The following FAM171B variants were observed in gnomAD, a reference collection of about 807,000 sequenced individuals.
FAM171B encodes the protein protein FAM171B.
Under a neutral mutation model 75.6 loss-of-function variants are expected in FAM171B, and 19 were observed. The ratio of observed to expected loss-of-function variants is 0.25; its 90% CI spans 0.18 to 0.37. FAM171B has a LOEUF of 0.37. Among genes scored for constraint, FAM171B ranks in the 10% least tolerant of loss-of-function variants. The pLI is 1.00. For missense variants in FAM171B, 848 were observed against 982.4 expected, an observed-to-expected ratio of 0.86 and a Z score of 1.83; for synonymous variants, 367 against 361.7, an observed-to-expected ratio of 1.01 and a Z score of -0.17.
intron 5 of FAM171B, among the ~76,000 whole-genome samples, chr2:186,753,087 C>T (rs1690479978): frequency 6.6e-6 from 1 of 152,130 alleles, no homozygotes; most frequent in Admixed American, 6.5e-5. Context: ...TTAATATCCA[C>T]AGTTTAAATA....
At position 186,762,847 on chromosome 2, in the gene FAM171B, C is replaced by T. The variant is rs766307557; in HGVS notation, c.*24C>T. ...AACTCCAATGGGGATTGTGTGTCTG[C>T]TGTCTCGTGCTGTTTATTCTTGCTT... On this transcript the variant is annotated 3_prime_UTR_variant, in exon 8 of 8. Coordinates refer to ENST00000304698, the MANE Select transcript of FAM171B (RefSeq NM_177454.4). This position sits in a 1 kb window ranked among gnomAD's most constrained non-coding sequence, Gnocchi z 4.0. The T allele has an allele frequency of 1.3e-6, 2 of 1,578,608 alleles. No homozygotes were observed. Among genetic ancestry groups the T allele is most frequent in the South Asian group, 2.4e-5 (2 of 84,434 alleles).
Position 186,743,508 on chromosome 2 carries a change from G to A in FAM171B, c.498G>A (p.Leu166=), listed in dbSNP as rs767436066. ...TATATTCATCAGTTACACTTTCACT[G>A]TTCCCGCAAAGCCAAGCAAATATAT... ...MPIYSSVTLS[L]FPQSQANIWL... is the part of the protein sequence containing the mutation. The change falls in exon 3 of 8, where the codon CTG becomes CTA. Residue 166 remains leucine (L), a synonymous_variant. Coordinates refer to ENST00000304698, the MANE Select transcript of FAM171B (RefSeq NM_177454.4). The A allele has an allele frequency of 6.2e-6, 10 of 1,612,166 alleles. No homozygotes were observed. Among genetic ancestry groups the A allele is most frequent in the Admixed American group, 1.7e-5 (1 of 59,960 alleles).
rs1690496451 is a variant in FAM171B, at chr2:186,754,141, G to A, written c.1012+92G>A. On this transcript the variant is annotated intron_variant, in intron 6 of 7. Transcript: ENST00000304698. The stretch of plus-strand genomic sequence containing the variant: ...AGACCTCAGTTTTATTCTAAGCACT[G>A]CCACTTACCAGCTATATGACAATGG... The A allele has an allele frequency of 4.6e-6, 4 of 866,952 alleles. No homozygotes were observed. In the South Asian group the frequency reaches 5.1e-5, roughly 11 times the overall value. The allele number at this position is 866,952 out of a possible 1,614,324, so 53.7% of individuals were successfully genotyped here. A position where few individuals can be genotyped will look rare whatever the true frequency, so the allele number is the denominator to read the frequency against.
rs1456263053 is a variant in FAM171B at position 186,764,796 on chromosome 2, T to A, written c.*1973T>A. On this transcript the variant is annotated 3_prime_UTR_variant, in exon 8 of 8. Transcript: ENST00000304698. ...CTTGTTTTTTGAATACAGTATATAT[T>A]GATAAATTGTTTATGTTGGAATGAA... is the stretch of plus-strand genomic sequence containing the variant. 1 of 151,976 alleles carries A rather than the reference T, an allele frequency of 6.6e-6. No homozygotes were observed. Among genetic ancestry groups the A allele is most frequent in the African/African-American group, 2.4e-5 (1 of 41,426 alleles). The allele number at this position is 151,976 out of a possible 1,614,324, so 9.4% of individuals were successfully genotyped here.
At chr2:186,711,869 C>T (rs1689813771) in intron 1 of FAM171B, among the ~76,000 whole-genome samples, 1 of 152,076 alleles carries the variant, frequency 6.6e-6, no homozygotes, top group African/African-American at 2.4e-5. Context: ...CTTTTTTGGT[C>T]CGTGATTATC....
chr2:186,757,852 T>C (rs967046147), intron 6 of FAM171B, among the ~76,000 whole-genome samples: 2 of 152,192 alleles, frequency 1.3e-5, no homozygotes, highest in Non-Finnish European at 2.9e-5. Flanking sequence ...GTTGGATTCC[T>C]GTGGAGTGAA....
At chr2:186,706,712 G>T (rs1268062334) in intron 1 of FAM171B, among the ~76,000 whole-genome samples, 4 of 152,154 alleles carry the variant, frequency 2.6e-5, no homozygotes, top group Non-Finnish European at 5.9e-5. Context: ...TTTATAAGGA[G>T]TGGCTTAAAG....
chr2:186,709,670 C>T (rs147904591), intron 1 of FAM171B, among the ~76,000 whole-genome samples: 2 of 152,278 alleles, frequency 1.3e-5, no homozygotes, highest in Non-Finnish European at 2.9e-5. Flanking sequence ...GTTGATGTCT[C>T]CTATAACCTC....
chr2:186,725,756 A>T lies in FAM171B; in HGVS notation c.239-14472A>T, dbSNP rs1442567534. On this transcript the variant is annotated intron_variant, in intron 1 of 7. Transcript: ENST00000304698. ...CTTCTGTCTCTCTCTACCTAGTGCC[A>T]TCACATGAAGTATCCTTAATAAATG... 2.6e-5 allele frequency among the ~76,000 whole-genome samples: 4 copies of T among 152,348 alleles called. No individual in the cohort carries two copies. In the East Asian group the frequency reaches 7.7e-4, roughly 29 times the overall value.
At chr2:186,736,848 T>G (rs945036237) in intron 1 of FAM171B, among the ~76,000 whole-genome samples, 9 of 152,078 alleles carry the variant, frequency 5.9e-5, no homozygotes, top group Non-Finnish European at 1.0e-4. Flanking sequence ...TGACAAGAAT[T>G]TTTTATCTGA....
intron 2 of FAM171B, among the ~76,000 whole-genome samples, chr2:186,741,343 G>A (rs1447654573): frequency 3.9e-5 from 6 of 151,966 alleles, no homozygotes; most frequent in African/African-American, 1.2e-4. Context: ...AATAAAAGAT[G>A]CCATAAGCTA....
At chr2:186,731,692 G>A (rs994005885) in intron 1 of FAM171B, among the ~76,000 whole-genome samples, 3 of 152,098 alleles carry the variant, frequency 2.0e-5, no homozygotes. Flanking sequence ...GAGACCTATC[G>A]GGAACTGGGC....
chr2:186,762,443 A>G lies in FAM171B; in HGVS notation c.2101A>G (p.Asn701Asp), dbSNP rs145939013. The change falls in exon 8 of 8, where the codon AAT becomes GAT. Residue 701 changes from asparagine (N) to aspartate (D), a missense_variant. By Grantham distance (23) the Asn-to-Asp change is conservative. Around this residue, in one of 3 missense-constraint regions of FAM171B, gnomAD observed 136 missense variants for 159.3 expected, o/e 0.85. Transcript: ENST00000304698. This position sits in a 1 kb window ranked among gnomAD's most constrained non-coding sequence, Gnocchi z 4.0. ...DLKKGKRTQS[N>D]DTSLDSGVDM... ...GAAAAAGGGCAAGAGAACCCAGAGC[A>G]ATGACACCAGTCTGGACTCTGGGGT... The G allele has an allele frequency of 1.2e-6, 2 of 1,613,668 alleles. No individual in the cohort carries two copies. Among genetic ancestry groups the G allele is most frequent in the Non-Finnish European group, 1.7e-6 (2 of 1,179,796 alleles).
intron 1 of FAM171B, among the ~76,000 whole-genome samples, chr2:186,707,830 C>CTTT (rs59441406): frequency 1.0e-5 from 1 of 97,416 alleles, no homozygotes; most frequent in Non-Finnish European, 2.1e-5. Context: ...TTAAATACCA[C>CTTT]TTTTTTTTTT....
intron 3 of FAM171B, 41 bp downstream of exon 3, chr2:186,743,616 T>C (rs1183573988): frequency 7.7e-7 from 1 of 1,306,670 alleles, no homozygotes; most frequent in South Asian, 1.2e-5. Flanking sequence ...CTTAAAGTTA[T>C]TGTCGTATAA....
At position 186,751,315 on chromosome 2, in the gene FAM171B, T is replaced by A. The variant is rs774036139; in HGVS notation, c.895+11T>A. Reference sequence around the variant, plus strand: ...TTGATATGAACACAGGTATGTGAGCTAGGTTAAAATAGTCTGAATATTTTA... The same window carrying A: ...TTGATATGAACACAGGTATGTGAGCAAGGTTAAAATAGTCTGAATATTTTA... On this transcript the variant is annotated intron_variant, in intron 5 of 7. Coordinates refer to ENST00000304698, the MANE Select transcript of FAM171B (RefSeq NM_177454.4). 1 of 1,510,714 alleles carries A rather than the reference T, an allele frequency of 6.6e-7. No individual in the cohort carries two copies. Among genetic ancestry groups the A allele is most frequent in the Admixed American group, 2.0e-5 (1 of 51,130 alleles). 93.6% of individuals were successfully genotyped at this position (1,510,714 alleles called of 1,614,324 possible).
chr2:186,702,452 A>T (rs988799847), intron 1 of FAM171B, among the ~76,000 whole-genome samples: 8 of 152,196 alleles, frequency 5.3e-5, no homozygotes, highest in African/African-American at 1.9e-4. Context: ...TGCTTTGAAG[A>T]TTCTGTTTGG....
chr2:186,695,615 T>C (rs1412326400), intron 1 of FAM171B, among the ~76,000 whole-genome samples: 2 of 152,180 alleles, frequency 1.3e-5, no homozygotes, highest in Non-Finnish European at 2.9e-5. Context: ...GATGATTTAA[T>C]TTATCAGAGT....
intron 5 of FAM171B, among the ~76,000 whole-genome samples, chr2:186,753,150 T>G (rs1690481002): frequency 6.6e-6 from 1 of 151,692 alleles, no homozygotes; most frequent in Admixed American, 6.5e-5. Flanking sequence ...TAGTTTATTT[T>G]ATTATTATTT....
Sources: gnomAD v4.1 joint callset for allele counts (sites outside exome capture counted in the v4.1 genomes callset) on GRCh38, gnomAD v4.1.1 for gene constraint, gnomAD v4.1.1 regional missense constraint, Gnocchi (gnomAD v3.1) non-coding constraint, MANE v1.5 for transcripts, NCBI Gene and HGNC (gene_info 2026-07-23, HGNC 2026-07-21) for gene names.